TARS2: variants seen among roughly 807,000 people sequenced by gnomAD.
TARS2 encodes threonine--tRNA ligase, mitochondrial.
Under a neutral mutation model 94.4 loss-of-function variants are expected in TARS2, and 61 were observed. That is an observed-to-expected ratio of 0.65 (90% CI 0.53 to 0.80). TARS2 has a LOEUF of 0.80. Ranked by LOEUF, TARS2 falls within the 30% of genes least tolerant of loss-of-function variation. TARS2 has a pLI of 0.00. For missense variants in TARS2, 704 were observed against 902.5 expected (o/e 0.78, Z 2.82); for synonymous variants, 359 against 353.4 (o/e 1.02, Z -0.18).
chr1:150,496,750 G>C, intron 8 of TARS2, 60 bp from the exon 9 acceptor site: 1 of 1,609,322 alleles, frequency 6.2e-7, no homozygotes, highest in Non-Finnish European at 8.5e-7. Flanking sequence ...CAGTTGTTCT[G>C]AGTTCCAAAG....
intron 13 of TARS2, among the ~76,000 whole-genome samples, chr1:150,502,303 C>T (rs775282955): frequency 1.8e-4 from 27 of 151,764 alleles, no homozygotes; most frequent in Non-Finnish European, 3.1e-4. Context: ...CTCACTGCAA[C>T]CTCCACCTCC....
rs1414869796 is a variant in TARS2, at chr1:150,489,044, C to G, written c.344C>G (p.Ser115Cys). The G allele has an allele frequency of 1.2e-6, 2 of 1,614,214 alleles. No homozygotes were observed. The highest frequency in any genetic ancestry group is 1.7e-6 in the Non-Finnish European group (2 of 1,180,038). Residue 115 changes from serine (S) to cysteine (C), a missense_variant, in exon 3 of 18, where the codon TCT (serine) becomes TGT (cysteine). Physicochemically the swap from Ser to Cys is moderately radical, Grantham distance 112. This residue lies in a region of TARS2 where 208 missense variants were observed against 228.5 expected (regional missense o/e 0.91). Transcript: ENST00000369064. ...YDLERPLETDSDLRFLTFDSP... is the reference protein window; with the variant it reads ...YDLERPLETDCDLRFLTFDSP... Reference sequence around the variant, plus strand: ...CTGGAGCGGCCCTTGGAGACAGATTCTGACCTCAGATTTCTGACATTCGAT... The same window carrying G: ...CTGGAGCGGCCCTTGGAGACAGATTGTGACCTCAGATTTCTGACATTCGAT...
chr1:150,491,536 C>T (rs763611277), intron 5 of TARS2, 25 bp downstream of exon 5: 1 of 1,614,110 alleles, frequency 6.2e-7, no homozygotes. Context: ...AGAGGTGGCT[C>T]TTCCAGGACA....
intron 10 of TARS2, 53 bp downstream of exon 10, chr1:150,497,800 A>G (rs888684970): frequency 2.6e-6 from 4 of 1,557,600 alleles, no homozygotes; most frequent in Non-Finnish European, 2.6e-6. Flanking sequence ...AATAATAGAA[A>G]GCACCTTGGG....
At chr1:150,499,357 T>A in intron 13 of TARS2, 64 bp downstream of exon 13, 2 of 1,501,956 alleles carry the variant, frequency 1.3e-6, no homozygotes, top group Non-Finnish European at 1.8e-6. Context: ...AGTAAATATT[T>A]AATAGATACA....
chr1:150,502,521 G>T (rs1473365733), intron 13 of TARS2, among the ~76,000 whole-genome samples: 1 of 152,002 alleles, frequency 6.6e-6, no homozygotes, highest in African/African-American at 2.4e-5. Flanking sequence ...CAGTAGCTGG[G>T]ATTACAGGCA....
intron 6 of TARS2, 160 bp downstream of exon 6, chr1:150,491,822 T>G: frequency 1.4e-6 from 1 of 715,344 alleles, no homozygotes; most frequent in Non-Finnish European, 2.2e-6. Context: ...TGAGACGGAG[T>G]CTTGGTCTGT....
At chr1:150,499,454 C>A (rs1669815263) in intron 13 of TARS2, among the ~76,000 whole-genome samples, 161 bp downstream of exon 13, 1 of 148,230 alleles carries the variant, frequency 6.7e-6, no homozygotes, top group African/African-American at 2.6e-5. Context: ...ACCTCCAGCT[C>A]CCTGGTTCAA....
At chr1:150,501,356 T>G (rs191540591) in intron 13 of TARS2, among the ~76,000 whole-genome samples, 1 of 127,388 alleles carries the variant, frequency 7.9e-6, no homozygotes, top group Non-Finnish European at 1.6e-5. Flanking sequence ...CTCGCTCTGC[T>G]GCCCAGGCTG....
chr1:150,492,778 C>A (rs189143746), intron 7 of TARS2, among the ~76,000 whole-genome samples: 1 of 139,118 alleles, frequency 7.2e-6, no homozygotes, highest in Non-Finnish European at 1.5e-5. Flanking sequence ...CTACTGCACT[C>A]CAGCCTGGGC....
At position 150,506,573 on chromosome 1, in the gene TARS2, TGA is replaced by T. The variant is rs1491230679; in HGVS notation, c.2009-342_2009-341del. 4.9e-4 allele frequency among the ~76,000 whole-genome samples: 47 copies of T among 96,896 alleles called. 1 individual carries two copies. The highest frequency in any genetic ancestry group is 2.1e-3 in the African/African-American group (46 of 22,262). The allele number at this position is 96,896 out of a possible 152,430, so 63.6% of individuals were successfully genotyped here. A position where few individuals can be genotyped will look rare whatever the true frequency, so the allele number is the denominator to read the frequency against. ...TTTCTCTGCTTGACTCTAATGTCTCTGACACACACACACACACACACACACAC... is the reference window on the plus strand; with the variant it reads ...TTTCTCTGCTTGACTCTAATGTCTCTCACACACACACACACACACACACAC... On this transcript the variant is annotated intron_variant, in intron 17 of 17. Transcript: ENST00000369064.
At chr1:150,495,468 C>G (rs1465944537) in intron 7 of TARS2, among the ~76,000 whole-genome samples, 2 of 150,490 alleles carry the variant, frequency 1.3e-5, no homozygotes, top group Non-Finnish European at 3.0e-5. Flanking sequence ...CTGATCTCGG[C>G]TCACTGCAAC....
At chr1:150,488,474 C>G (rs1400636498) in intron 2 of TARS2, 1 of 175,392 alleles carries the variant, frequency 5.7e-6, no homozygotes, top group East Asian at 1.6e-4. Flanking sequence ...GCAACTTTCT[C>G]CCCACTGTGG....
intron 6 of TARS2, chr1:150,491,908 C>T: frequency 4.5e-6 from 2 of 447,076 alleles, no homozygotes; most frequent in Non-Finnish European, 8.2e-6. Context: ...GATTCTCCTG[C>T]CTTAGCCTCC....
At position 150,491,054 on chromosome 1, in the gene TARS2, CA is replaced by C. The variant is rs66499095; in HGVS notation, c.513-330del. ...TGTGTGACACAGCAAGACACTTTCT[CA>C]AAAAAAAAACAAAAAGAAAAAGAAG... On this transcript the variant is annotated intron_variant, in intron 4 of 17. Transcript: ENST00000369064. Among the ~76,000 whole-genome samples, 33,344 of 129,908 alleles carry C rather than the reference CA, an allele frequency of 0.26. 4,180 individuals carry two copies. Among genetic ancestry groups the C allele is most frequent in the African/African-American group, 0.33 (13,126 of 39,472 alleles). 85.2% of individuals were successfully genotyped at this position (129,908 alleles called of 152,430 possible).
In TARS2 at chr1:150,487,445, A is replaced by G. The variant is rs1274904167; in HGVS notation, c.-6A>G. ...TTTGAGGATGTAGGCACTGGTGTGA[A>G]GGAACATGGCCCTGTATCAGAGGTG... is the stretch of plus-strand genomic sequence containing the variant. On this transcript the variant is annotated 5_prime_UTR_variant, in exon 1 of 18. Coordinates refer to ENST00000369064, the MANE Select transcript of TARS2 (RefSeq NM_025150.5). 1 of 1,614,208 alleles carries G rather than the reference A, an allele frequency of 6.2e-7. No individual in the cohort carries two copies.
intron 7 of TARS2, 61 bp downstream of exon 7, chr1:150,492,550 G>T: frequency 6.4e-7 from 1 of 1,550,972 alleles, no homozygotes; most frequent in Admixed American, 1.7e-5. Flanking sequence ...GGTGGCTCAC[G>T]CTTGTAATCC....
At chr1:150,489,291 G>A (rs1055221451) in intron 3 of TARS2, 6 of 669,392 alleles carry the variant, frequency 9.0e-6, no homozygotes, top group Non-Finnish European at 1.5e-5. Context: ...GCAAACATTT[G>A]TGCTAGTGAG....
At chr1:150,495,262 G>A (rs756642878) in intron 7 of TARS2, among the ~76,000 whole-genome samples, 31 of 150,102 alleles carry the variant, frequency 2.1e-4, no homozygotes, top group Middle Eastern at 3.6e-3. Flanking sequence ...GGAGAATGGC[G>A]TGAACCTGGG....
Sources: gnomAD v4.1 joint callset for allele counts (sites outside exome capture counted in the v4.1 genomes callset) on GRCh38, gnomAD v4.1.1 for gene constraint, gnomAD v4.1.1 regional missense constraint, MANE v1.5 for transcripts, NCBI Gene and HGNC (gene_info 2026-07-23, HGNC 2026-07-21) for gene names.